SNX29: variants seen among roughly 807,000 people sequenced by gnomAD.
SNX29 encodes the protein sorting nexin 29, also known as sorting nexin-29.
In SNX29, 78 loss-of-function variants were observed where a neutral mutation model predicts 102.1. The ratio of observed to expected loss-of-function variants is 0.76; its 90% CI spans 0.64 to 0.92. The LOEUF (loss-of-function observed/expected upper bound fraction) is 0.92, where lower values mean the gene tolerates loss of function less well. Ranked by LOEUF, SNX29 falls within the 40% of genes least tolerant of loss-of-function variation. SNX29 has a pLI of 0.00. For missense variants in SNX29, 1,280 were observed against 1,061.7 expected (o/e 1.21, Z -2.86); for synonymous variants, 580 against 414.5 (o/e 1.40, Z -4.85).
intron 13 of SNX29, among the ~76,000 whole-genome samples, chr16:12,149,690 AACCT>A (rs962918130): frequency 5.9e-5 from 9 of 152,138 alleles, no homozygotes; most frequent in African/African-American, 1.9e-4. Flanking sequence ...AAAATAATAG[AACCT>A]ACCTCATGGG....
At chr16:12,133,478 A>T (rs2054550151) in intron 13 of SNX29, among the ~76,000 whole-genome samples, 1 of 151,322 alleles carries the variant, frequency 6.6e-6, no homozygotes, top group South Asian at 2.1e-4. Context: ...TTTTGTACAG[A>T]CGGGGTTTTG....
chr16:12,196,490 C>G (rs1451249347), intron 13 of SNX29, among the ~76,000 whole-genome samples: 1 of 152,232 alleles, frequency 6.6e-6, no homozygotes, highest in African/African-American at 2.4e-5. Flanking sequence ...GTAAGGGGGT[C>G]TTGCTACTGT....
chr16:12,056,183 T>C (rs964637467), intron 8 of SNX29, among the ~76,000 whole-genome samples: 7 of 152,212 alleles, frequency 4.6e-5, no homozygotes, highest in Non-Finnish European at 1.0e-4. Flanking sequence ...CACCTGGCCA[T>C]GTGCCTTTAC....
intron 13 of SNX29, among the ~76,000 whole-genome samples, chr16:12,163,031 A>G (rs926158859): frequency 6.6e-6 from 1 of 151,994 alleles, no homozygotes; most frequent in Non-Finnish European, 1.5e-5. Flanking sequence ...ACAGGCATGT[A>G]CCACCATGCC....
At chr16:12,391,273 A>T (rs1296508273) in intron 16 of SNX29, among the ~76,000 whole-genome samples, 1 of 152,204 alleles carries the variant, frequency 6.6e-6, no homozygotes, top group Non-Finnish European at 1.5e-5. Flanking sequence ...TAAAGAGCTG[A>T]TACATACCAC....
At chr16:12,144,830 T>G (rs1271187996) in intron 13 of SNX29, among the ~76,000 whole-genome samples, 1 of 152,176 alleles carries the variant, frequency 6.6e-6, no homozygotes, top group Non-Finnish European at 1.5e-5. Context: ...CACACCATTC[T>G]CCTGCCTCAG....
At chr16:12,268,074 AT>A (rs1376481433) in intron 14 of SNX29, among the ~76,000 whole-genome samples, 1 of 152,162 alleles carries the variant, frequency 6.6e-6, no homozygotes, top group African/African-American at 2.4e-5. Flanking sequence ...CCCCTGCCTT[AT>A]CCCAGTCTCT....
intron 14 of SNX29, among the ~76,000 whole-genome samples, chr16:12,248,570 A>G (rs532532435): frequency 3.5e-4 from 53 of 151,796 alleles, no homozygotes; most frequent in African/African-American, 1.3e-3. Context: ...TTGTATTTTT[A>G]GTAGAGTAGT....
intron 19 of SNX29, among the ~76,000 whole-genome samples, chr16:12,478,066 C>G (rs1306062137): frequency 6.6e-6 from 1 of 152,210 alleles, no homozygotes; most frequent in African/African-American, 2.4e-5. Flanking sequence ...TGTATGTCCT[C>G]TTATTTCTCT....
rs141261040 is a variant in SNX29, at chr16:12,537,720, G to C, written c.2318+12879G>C. On this transcript the variant is annotated intron_variant, in intron 20 of 20. Coordinates refer to ENST00000566228, the MANE Select transcript of SNX29 (RefSeq NM_032167.5). ...ACTTCACTTTGGAAAAAGGGAAGCAGAGTAGGTATTTTTGGCACAATGACC... is the reference window on the plus strand; with the variant it reads ...ACTTCACTTTGGAAAAAGGGAAGCACAGTAGGTATTTTTGGCACAATGACC... 1.6e-3 allele frequency among the ~76,000 whole-genome samples: 243 copies of C among 152,258 alleles called. 1 individual carries two copies. Among genetic ancestry groups the C allele is most frequent in the African/African-American group, 5.7e-3 (238 of 41,532 alleles).
chr16:12,555,674 C>G (rs1371510822), intron 20 of SNX29, among the ~76,000 whole-genome samples: 2 of 152,108 alleles, frequency 1.3e-5, no homozygotes, highest in African/African-American at 2.4e-5. Flanking sequence ...TGCACGAAGT[C>G]TGAGAATAAG....
chr16:12,228,429 A>G (rs1449994749), intron 14 of SNX29, among the ~76,000 whole-genome samples: 1 of 152,264 alleles, frequency 6.6e-6, no homozygotes, highest in East Asian at 1.9e-4. Flanking sequence ...CCTTGCCTCC[A>G]GCACAGTCCA....
chr16:12,310,115 T>TGC (rs2080485930), intron 15 of SNX29, among the ~76,000 whole-genome samples: 1 of 76,438 alleles, frequency 1.3e-5, no homozygotes, highest in Non-Finnish European at 2.8e-5. Flanking sequence ...CACATACACG[T>TGC]GCACGCACAC....
chr16:11,990,551 G>A (rs1399274129), intron 1 of SNX29, among the ~76,000 whole-genome samples: 1 of 152,072 alleles, frequency 6.6e-6, no homozygotes, highest in Non-Finnish European at 1.5e-5. Flanking sequence ...TCTTTATTTG[G>A]AATGGTTGTG....
intron 3 of SNX29, among the ~76,000 whole-genome samples, chr16:12,016,977 T>TA (rs896132108): frequency 1.3e-5 from 2 of 151,502 alleles, no homozygotes; most frequent in Non-Finnish European, 2.9e-5. Flanking sequence ...AAAAAAAAAT[T>TA]AAAAAAATTA....
At chr16:12,153,354 G>C (rs2055380604) in intron 13 of SNX29, among the ~76,000 whole-genome samples, 1 of 151,992 alleles carries the variant, frequency 6.6e-6, no homozygotes, top group Non-Finnish European at 1.5e-5. Flanking sequence ...CTTCCATGTT[G>C]GTACCCACTC....
chr16:12,180,705 T>C (rs1325244682), intron 13 of SNX29, among the ~76,000 whole-genome samples: 2 of 152,202 alleles, frequency 1.3e-5, no homozygotes, highest in Non-Finnish European at 2.9e-5. Context: ...CAGGATGGTC[T>C]CGATCTCTTG....
chr16:12,524,040 G>A (rs1374798331), intron 19 of SNX29, among the ~76,000 whole-genome samples: 1 of 152,126 alleles, frequency 6.6e-6, no homozygotes, highest in Admixed American at 6.6e-5. Context: ...GTGCCACTAC[G>A]CCTGGCTAAT....
At chr16:12,135,613 G>C (rs1383606935) in intron 13 of SNX29, 6 of 1,345,096 alleles carry the variant, frequency 4.5e-6, no homozygotes, top group Non-Finnish European at 5.9e-6. Flanking sequence ...TGGAGAAATG[G>C]AGGGAGAGAG....
Sources: gnomAD v4.1 joint callset for allele counts (sites outside exome capture counted in the v4.1 genomes callset) on GRCh38, gnomAD v4.1.1 for gene constraint, MANE v1.5 for transcripts, NCBI Gene and HGNC (gene_info 2026-07-23, HGNC 2026-07-21) for gene names.